DPP10: variants seen among roughly 807,000 people sequenced by gnomAD.
DPP10 encodes inactive dipeptidyl peptidase 10.
In DPP10, 33 loss-of-function variants were observed where a neutral mutation model predicts 120.9. The observed-to-expected ratio is 0.27, with a 90% CI of 0.21 to 0.37. DPP10 has a LOEUF of 0.37. Ranked by LOEUF, DPP10 falls within the 10% of genes least tolerant of loss-of-function variation. The probability of loss-of-function intolerance (pLI) is 1.00; values close to 1 mark genes in which losing one functional copy is unlikely to be tolerated. For synonymous variants in DPP10, 337 were observed against 326.1 expected, an observed-to-expected ratio of 1.03 and a Z score of -0.36; for missense variants, 816 against 942.8, an observed-to-expected ratio of 0.87 and a Z score of 1.76.
At chr2:114,885,249 T>C (rs1166850323) in intron 1 of DPP10, among the ~76,000 whole-genome samples, 1 of 151,786 alleles carries the variant, frequency 6.6e-6, no homozygotes, top group Admixed American at 6.6e-5. Flanking sequence ...TCATGTCACA[T>C]GGTGAGAATG....
intron 3 of DPP10, among the ~76,000 whole-genome samples, chr2:115,357,490 C>T (rs868866886): frequency 3.5e-4 from 53 of 152,210 alleles, no homozygotes; most frequent in African/African-American, 9.9e-4. Flanking sequence ...ACTTGGGCAG[C>T]GCCACTCCTG....
intron 5 of DPP10, among the ~76,000 whole-genome samples, chr2:115,575,775 G>T (rs1374548902): frequency 2.0e-5 from 3 of 152,092 alleles, no homozygotes; most frequent in Non-Finnish European, 4.4e-5. Flanking sequence ...TATCCAGGTG[G>T]GCCTAATGTA....
rs1361055140 is a variant in DPP10, at chr2:114,559,875, G to A, written c.60+117037G>A. ...AAAATCACAGATATTGTCATAGACT[G>A]CAAGAAGAAAAAAAGCAAAAAAAAA... On this transcript the variant is annotated intron_variant, in intron 1 of 25. Transcript: ENST00000410059. Among the ~76,000 whole-genome samples the A allele has an allele frequency of 7.0e-5, 8 of 114,376 alleles. No homozygotes were observed. In the East Asian group the frequency reaches 1.6e-3, roughly 23 times the overall value. The allele number at this position is 114,376 out of a possible 152,430, so 75.0% of individuals were successfully genotyped here.
chr2:115,181,116 C>G (rs138995500), intron 1 of DPP10, among the ~76,000 whole-genome samples: 53 of 145,428 alleles, frequency 3.6e-4, no homozygotes, highest in African/African-American at 1.3e-3. Context: ...TGCATCTGTT[C>G]TTTTTATCCT....
chr2:115,064,380 G>C (rs1195903159), intron 1 of DPP10, among the ~76,000 whole-genome samples: 1 of 152,150 alleles, frequency 6.6e-6, no homozygotes, highest in African/African-American at 2.4e-5. Flanking sequence ...AATGTGCCAT[G>C]GGGCTGAGCA....
chr2:114,803,005 C>T (rs1350449916), intron 1 of DPP10, among the ~76,000 whole-genome samples: 2 of 152,076 alleles, frequency 1.3e-5, no homozygotes, highest in Non-Finnish European at 2.9e-5. Flanking sequence ...TGTCCCCACC[C>T]AAATCTCAAC....
chr2:114,776,325 C>A (rs1196921166), intron 1 of DPP10, among the ~76,000 whole-genome samples: 2 of 152,098 alleles, frequency 1.3e-5, no homozygotes, highest in Non-Finnish European at 2.9e-5. Flanking sequence ...CCATGGCATT[C>A]CATGCATCCA....
At chr2:115,507,023 C>A (rs977347701) in intron 4 of DPP10, among the ~76,000 whole-genome samples, 6 of 134,850 alleles carry the variant, frequency 4.4e-5, no homozygotes, top group African/African-American at 1.8e-4. Flanking sequence ...GCATTACACA[C>A]ACACGCACGC....
chr2:114,559,777 AT>A (rs1466439362), intron 1 of DPP10, among the ~76,000 whole-genome samples: 1 of 151,804 alleles, frequency 6.6e-6, no homozygotes, highest in African/African-American at 2.4e-5. Context: ...GGAGTAGGTC[AT>A]GAACGTGATA....
intron 1 of DPP10, among the ~76,000 whole-genome samples, chr2:115,125,956 C>T (rs533268382): frequency 6.6e-6 from 1 of 152,128 alleles, no homozygotes; most frequent in African/African-American, 2.4e-5. Flanking sequence ...AAAAAGGTAC[C>T]TGTTTCATAA....
intron 1 of DPP10, among the ~76,000 whole-genome samples, chr2:114,955,001 T>C (rs889251230): frequency 3.9e-5 from 6 of 152,090 alleles, no homozygotes; most frequent in Non-Finnish European, 8.8e-5. Flanking sequence ...CCGAAACAAA[T>C]GGCTTTGTTA....
intron 1 of DPP10, among the ~76,000 whole-genome samples, chr2:114,992,360 C>A (rs1200774069): frequency 4.6e-5 from 7 of 152,152 alleles, no homozygotes; most frequent in Non-Finnish European, 1.0e-4. Flanking sequence ...TTCAGAGCTC[C>A]CTAGTGGGAA....
chr2:114,573,125 G>C lies in DPP10; in HGVS notation c.60+130287G>C, dbSNP rs535621630. Among the ~76,000 whole-genome samples the C allele has an allele frequency of 2.2e-4, 34 of 152,226 alleles. No homozygotes were observed. The South Asian group carries it at 5.2e-3, about 23-fold the overall frequency. ...AGCCTTTCAAGTAGCTAGGACTACAGGCACATGCCACCATGCCCAGCTAAT... is the reference window on the plus strand; with the variant it reads ...AGCCTTTCAAGTAGCTAGGACTACACGCACATGCCACCATGCCCAGCTAAT... On this transcript the variant is annotated intron_variant, in intron 1 of 25. Transcript: ENST00000410059.
intron 19 of DPP10, among the ~76,000 whole-genome samples, chr2:115,793,145 C>T (rs904595538): frequency 4.3e-4 from 65 of 152,230 alleles, no homozygotes; most frequent in African/African-American, 1.5e-3. Context: ...AATTTGAAGA[C>T]TTCTCTTATT....
chr2:115,586,347 C>G (rs2082289085), intron 5 of DPP10, among the ~76,000 whole-genome samples: 1 of 151,944 alleles, frequency 6.6e-6, no homozygotes, highest in African/African-American at 2.4e-5. Flanking sequence ...ATGATAATAT[C>G]AAAAAACTGA....
intron 3 of DPP10, among the ~76,000 whole-genome samples, chr2:115,366,197 C>T (rs2065067184): frequency 6.6e-6 from 1 of 151,818 alleles, no homozygotes. Context: ...GGATGACTCT[C>T]CACTCTCAGC....
chr2:115,836,525 G>C lies in DPP10; in HGVS notation c.2069G>C (p.Arg690Thr). ...GTCACAGCCTCAGCTTTCTCTGAAA[G>C]ATACCTTGGGATGCCATCTAAGGAA... ...LKLYASAFSE[R>T]YLGMPSKEES... The change falls in exon 23 of 26, where the codon AGA (arginine) becomes ACA (threonine). Residue 690 changes from arginine to threonine, a missense_variant. By Grantham distance (71) the Arg-to-Thr change is moderately conservative. Around this residue, in one of 3 missense-constraint regions of DPP10, gnomAD observed 592 missense variants for 649.0 expected, o/e 0.91. Transcript: ENST00000410059. 1 of 1,613,642 alleles carries C rather than the reference G, an allele frequency of 6.2e-7. No individual in the cohort carries two copies.
rs1416863084 is a variant in DPP10 at position 114,522,072 on chromosome 2, C to T, written c.60+79234C>T. On this transcript the variant is annotated intron_variant, in intron 1 of 25. Transcript: ENST00000410059. ...TCGGCTCACTGCAAGCTCCGCCTCC[C>T]GGGTTCACGCCATTCTCCTGCCTCA... Among the ~76,000 whole-genome samples the T allele has an allele frequency of 3.5e-4, 52 of 147,302 alleles. No individual in the cohort carries two copies. The East Asian group carries it at 8.4e-3, about 24-fold the overall frequency.
At chr2:114,967,734 TAA>T (rs753511258) in intron 1 of DPP10, among the ~76,000 whole-genome samples, 1 of 152,192 alleles carries the variant, frequency 6.6e-6, no homozygotes, top group Admixed American at 6.5e-5. Flanking sequence ...TTCCGTCTGC[TAA>T]AAAGTCTTCA....
Sources: gnomAD v4.1 joint callset for allele counts (sites outside exome capture counted in the v4.1 genomes callset) on GRCh38, gnomAD v4.1.1 for gene constraint, gnomAD v4.1.1 regional missense constraint, MANE v1.5 for transcripts, NCBI Gene and HGNC (gene_info 2026-07-23, HGNC 2026-07-21) for gene names.